ZMAT4: variants seen among roughly 807,000 people sequenced by gnomAD.
ZMAT4 encodes the protein zinc finger matrin-type protein 4.
A neutral mutation model predicts 28.7 loss-of-function variants in ZMAT4; 17 were observed. The observed-to-expected ratio is 0.59, with a 90% CI of 0.41 to 0.89. The LOEUF (loss-of-function observed/expected upper bound fraction) is 0.89, where lower values mean the gene tolerates loss of function less well. Among genes scored for constraint, ZMAT4 ranks in the 40% least tolerant of loss-of-function variants. The pLI is 0.00. For missense variants in ZMAT4, 240 were observed against 283.8 expected (o/e 0.85, Z 1.11); for synonymous variants, 117 against 109.2 (o/e 1.07, Z -0.44).
intron 5 of ZMAT4, among the ~76,000 whole-genome samples, chr8:40,655,181 A>T (rs1020857696): frequency 3.3e-5 from 5 of 152,136 alleles, no homozygotes; most frequent in African/African-American, 1.2e-4. Flanking sequence ...ATTTACAATG[A>T]GCAATCCAAA....
chr8:40,581,019 A>G, intron 6 of ZMAT4, 146 bp downstream of exon 6: 1 of 577,404 alleles, frequency 1.7e-6, no homozygotes, highest in Non-Finnish European at 3.0e-6. Flanking sequence ...TTCTTCAAGT[A>G]AGCATAAATA....
At chr8:40,892,057 G>T (rs1176696374) in intron 1 of ZMAT4, among the ~76,000 whole-genome samples, 4 of 152,156 alleles carry the variant, frequency 2.6e-5, no homozygotes, top group African/African-American at 9.7e-5. Flanking sequence ...CACCACGTGT[G>T]TGGCGGTGTG....
At chr8:40,601,578 G>T (rs1805340916) in intron 5 of ZMAT4, among the ~76,000 whole-genome samples, 1 of 6,444 alleles carries the variant, frequency 1.6e-4, no homozygotes, top group Admixed American at 1.9e-3. Context: ...AAGAAAGAAA[G>T]AAAGAAAGAA....
intron 1 of ZMAT4, among the ~76,000 whole-genome samples, chr8:40,843,820 C>A (rs1337214877): frequency 6.6e-6 from 1 of 152,206 alleles, no homozygotes; most frequent in African/African-American, 2.4e-5. Flanking sequence ...AAATGAAAAT[C>A]AGTTGAGTGG....
chr8:40,617,093 A>T (rs192861158), intron 5 of ZMAT4, among the ~76,000 whole-genome samples: 293 of 152,302 alleles, frequency 1.9e-3, no homozygotes, highest in African/African-American at 6.9e-3. Context: ...ACAATGTGAT[A>T]TCGTGACATG....
At chr8:40,572,604 C>T (rs890101550) in intron 6 of ZMAT4, among the ~76,000 whole-genome samples, 1 of 152,122 alleles carries the variant, frequency 6.6e-6, no homozygotes, top group Non-Finnish European at 1.5e-5. Context: ...ATCTATGGTA[C>T]ATACTCACAG....
At chr8:40,823,786 T>C (rs1269969845) in intron 2 of ZMAT4, among the ~76,000 whole-genome samples, 3 of 152,214 alleles carry the variant, frequency 2.0e-5, no homozygotes, top group African/African-American at 7.2e-5. Context: ...ATGGACTTTT[T>C]TAGATAATTC....
In ZMAT4 at chr8:40,812,613, A is replaced by G. The variant is rs966213178; in HGVS notation, c.102+12962T>C. Among the ~76,000 whole-genome samples the G allele has an allele frequency of 3.3e-5, 5 of 152,174 alleles. No homozygotes were observed. In the South Asian group the frequency reaches 8.3e-4, roughly 25 times the overall value. The stretch of plus-strand genomic sequence containing the variant: ...ACAGAGAAACTAAGGAAATATGAAC[A>G]AAGATTGGACTTGACACTTTAAAAT... On this transcript the variant is annotated intron_variant, in intron 2 of 6. Coordinates refer to ENST00000297737, the MANE Select transcript of ZMAT4 (RefSeq NM_024645.3).
intron 5 of ZMAT4, among the ~76,000 whole-genome samples, chr8:40,612,111 A>G (rs1805822128): frequency 6.6e-6 from 1 of 152,190 alleles, no homozygotes; most frequent in South Asian, 2.1e-4. Flanking sequence ...GAATGAAGAT[A>G]ATACCTTTCA....
chr8:40,791,531 C>A (rs905428217), intron 2 of ZMAT4, among the ~76,000 whole-genome samples: 6 of 152,340 alleles, frequency 3.9e-5, no homozygotes, highest in African/African-American at 1.4e-4. Flanking sequence ...CAAGGTCACA[C>A]AGGTCCTTCG....
At position 40,799,374 on chromosome 8, in the gene ZMAT4, T is replaced by A. The variant is rs143261372; in HGVS notation, c.102+26201A>T. 3.9e-3 allele frequency among the ~76,000 whole-genome samples: 594 copies of A among 151,954 alleles called. 2 individuals carry two copies. Among genetic ancestry groups the A allele is most frequent in the African/African-American group, 0.013 (551 of 41,486 alleles). ...TTCTGTTCCTGTCTGTCCGTCTCTCTCACTCTTTCCCTTTCCGTTCTGATA... is the reference window on the plus strand; with the variant it reads ...TTCTGTTCCTGTCTGTCCGTCTCTCACACTCTTTCCCTTTCCGTTCTGATA... On this transcript the variant is annotated intron_variant, in intron 2 of 6. Coordinates refer to ENST00000297737, the MANE Select transcript of ZMAT4 (RefSeq NM_024645.3).
At chr8:40,734,236 T>C (rs906303079) in intron 3 of ZMAT4, among the ~76,000 whole-genome samples, 4 of 152,154 alleles carry the variant, frequency 2.6e-5, no homozygotes, top group Admixed American at 2.0e-4. Context: ...TTCAGGACAT[T>C]TGGCATGGCT....
intron 5 of ZMAT4, among the ~76,000 whole-genome samples, chr8:40,672,583 A>G (rs16889834): frequency 0.023 from 3,527 of 152,292 alleles, 127 homozygotes; most frequent in African/African-American, 0.08. Flanking sequence ...GAATTCAGAC[A>G]CCAAAGTCAT....
chr8:40,644,804 C>T (rs1229089763), intron 5 of ZMAT4, among the ~76,000 whole-genome samples: 1 of 152,132 alleles, frequency 6.6e-6, no homozygotes, highest in Non-Finnish European at 1.5e-5. Context: ...TAATAGTATG[C>T]ACACTTGATA....
chr8:40,894,571 T>C (rs1563272023), intron 1 of ZMAT4, among the ~76,000 whole-genome samples: 1 of 151,942 alleles, frequency 6.6e-6, no homozygotes. Flanking sequence ...GGCTATGAAA[T>C]TTTCCTAAAT....
intron 6 of ZMAT4, among the ~76,000 whole-genome samples, chr8:40,548,809 T>G: frequency 6.6e-6 from 1 of 152,268 alleles, no homozygotes; most frequent in South Asian, 2.1e-4. Flanking sequence ...GGTGAAAAAC[T>G]TGTTTTGGAA....
rs537960522 is a variant in ZMAT4, at chr8:40,639,378, C to T, written c.577+35326G>A. ...GGGGCTGATGTGCCCAGGTAGACTC[C>T]GAGACCCTTAGCCAACATCGGGATC... On this transcript the variant is annotated intron_variant, in intron 5 of 6. Transcript: ENST00000297737. 1.0e-3 allele frequency among the ~76,000 whole-genome samples: 153 copies of T among 152,166 alleles called. 1 individual carries two copies. The highest frequency in any genetic ancestry group is 3.6e-3 in the African/African-American group (149 of 41,506).
intron 3 of ZMAT4, among the ~76,000 whole-genome samples, chr8:40,729,746 G>A (rs920987232): frequency 5.3e-5 from 8 of 151,830 alleles, no homozygotes; most frequent in Admixed American, 2.6e-4. Flanking sequence ...CTACAGGCAC[G>A]TGCCACCACA....
chr8:40,753,536 T>C (rs1316261634), intron 3 of ZMAT4, among the ~76,000 whole-genome samples: 3 of 152,020 alleles, frequency 2.0e-5, no homozygotes, highest in Non-Finnish European at 1.5e-5. Context: ...TAACATCCAT[T>C]CCCCCCCACC....
Sources: gnomAD v4.1 joint callset for allele counts (sites outside exome capture counted in the v4.1 genomes callset) on GRCh38, gnomAD v4.1.1 for gene constraint, MANE v1.5 for transcripts, NCBI Gene and HGNC (gene_info 2026-07-23, HGNC 2026-07-21) for gene names.